Variants in PDE4D observed in about 807,000 individuals in gnomAD.
The protein encoded by PDE4D is 3',5'-cyclic-AMP phosphodiesterase 4D.
Under a neutral mutation model 87.4 loss-of-function variants are expected in PDE4D, and 24 were observed. The observed-to-expected ratio is 0.27, with a 90% CI of 0.20 to 0.39. PDE4D has a LOEUF of 0.39. Among genes scored for constraint, PDE4D ranks in the 10% least tolerant of loss-of-function variants. The pLI, the probability that PDE4D is intolerant of heterozygous loss-of-function variation, is 1.00. For synonymous variants in PDE4D, 384 were observed against 383.2 expected, an observed-to-expected ratio of 1.00 and a Z score of -0.02; for missense variants, 714 against 1,041.0, an observed-to-expected ratio of 0.69 and a Z score of 4.32.
intron 1 of PDE4D, among the ~76,000 whole-genome samples, chr5:59,330,805 T>A (rs529537196): frequency 1.3e-5 from 2 of 152,196 alleles, no homozygotes; most frequent in Non-Finnish European, 2.9e-5. Flanking sequence ...CATTGGCTGG[T>A]TGTCTCGCTG....
chr5:59,194,442 T>C (rs1745005851), intron 2 of PDE4D, among the ~76,000 whole-genome samples: 1 of 152,178 alleles, frequency 6.6e-6, no homozygotes, highest in Admixed American at 6.5e-5. Context: ...ATGAACAATC[T>C]GAAAACAACC....
chr5:59,886,546 G>A (rs113865587), intron 1 of PDE4D, among the ~76,000 whole-genome samples: 1 of 151,692 alleles, frequency 6.6e-6, no homozygotes, highest in Admixed American at 6.6e-5. Flanking sequence ...ATAAAGAAAA[G>A]AAAAATATTC....
At chr5:59,896,255 A>G (rs1751630485), upstream of PDE4D, among the ~76,000 whole-genome samples, 2 of 152,334 alleles carry the variant, frequency 1.3e-5, no homozygotes, top group South Asian at 4.1e-4. Context: ...ATGAATGTTT[A>G]ATAAAGGTAG....
chr5:60,337,351 CTATATATATATATATATA>C (rs748923956), intron 1 of PDE4D, among the ~76,000 whole-genome samples: 41 of 62,264 alleles, frequency 6.6e-4, no homozygotes, highest in South Asian at 4.3e-3. Flanking sequence ...AACAAACAAA[CTATATATATATATATATA>C]TATATATATA....
intron 1 of PDE4D, among the ~76,000 whole-genome samples, chr5:60,283,513 T>C (rs1752137254): frequency 1.3e-5 from 2 of 152,190 alleles, no homozygotes; most frequent in African/African-American, 4.8e-5. Flanking sequence ...GAAAAGTTTT[T>C]GGCATTAAAT....
chr5:59,245,101 T>C (rs952979027), intron 1 of PDE4D, among the ~76,000 whole-genome samples: 4 of 152,072 alleles, frequency 2.6e-5, no homozygotes, highest in African/African-American at 9.7e-5. Context: ...ATCTGCAACA[T>C]GCTTCTTGCT....
intron 1 of PDE4D, among the ~76,000 whole-genome samples, chr5:60,418,652 C>T (rs1742829836): frequency 6.6e-6 from 1 of 151,844 alleles, no homozygotes; most frequent in Non-Finnish European, 1.5e-5. Context: ...GATGTTTACA[C>T]AGAGACATGC....
intron 2 of PDE4D, among the ~76,000 whole-genome samples, chr5:60,122,804 TC>T (rs1778807666): frequency 6.6e-6 from 1 of 152,258 alleles, no homozygotes; most frequent in Non-Finnish European, 1.5e-5. Flanking sequence ...AATAGGTTTT[TC>T]TTTTCTATCA....
chr5:59,210,140 C>T (rs1368166870), intron 2 of PDE4D, among the ~76,000 whole-genome samples: 1 of 152,190 alleles, frequency 6.6e-6, no homozygotes, highest in Non-Finnish European at 1.5e-5. Flanking sequence ...AATTGATATG[C>T]TTTTGAAATG....
At chr5:60,300,776 T>C (rs896079240) in intron 1 of PDE4D, among the ~76,000 whole-genome samples, 17 of 151,954 alleles carry the variant, frequency 1.1e-4, no homozygotes. Flanking sequence ...TCTTTTTTTT[T>C]TTCTTTTTCT....
At chr5:60,193,408 C>T (rs1335395134) in intron 1 of PDE4D, among the ~76,000 whole-genome samples, 1 of 152,018 alleles carries the variant, frequency 6.6e-6, no homozygotes, top group African/African-American at 2.4e-5. Context: ...CAGTGGCTCA[C>T]GCCTGTAATC....
At position 60,185,547 on chromosome 5, in the gene PDE4D, A is replaced by C. The variant is rs779045194; in HGVS notation, c.42+10T>G. The stretch of plus-strand genomic sequence containing the variant: ...TGTTTAGAAAATAGATGAAAACAAA[A>C]GTTACTTACACTTTTGCTCCGAGAA... On this transcript the variant is annotated intron_variant, in intron 2 of 16. Coordinates refer to the PDE4D transcript ENST00000502484. 7.9e-6 allele frequency: 12 copies of C among 1,519,784 alleles called. No homozygotes were observed. In the Admixed American group the frequency reaches 2.0e-4, roughly 25 times the overall value. 94.1% of individuals were successfully genotyped at this position (1,519,784 alleles called of 1,614,324 possible).
chr5:59,181,477 C>T (rs6450510), intron 4 of PDE4D, among the ~76,000 whole-genome samples: 7,166 of 147,376 alleles, frequency 0.049, 552 homozygotes, highest in African/African-American at 0.16. Context: ...AAAGTTATTA[C>T]TTGTAACTGA....
At chr5:59,833,776 A>T (rs968178648) in intron 1 of PDE4D, among the ~76,000 whole-genome samples, 1 of 152,016 alleles carries the variant, frequency 6.6e-6, no homozygotes, top group South Asian at 2.1e-4. Context: ...CGCTTACAGG[A>T]TTATAAAAAC....
At chr5:59,364,058 T>C (rs980706987) in intron 1 of PDE4D, among the ~76,000 whole-genome samples, 6 of 152,206 alleles carry the variant, frequency 3.9e-5, no homozygotes, top group African/African-American at 1.4e-4. Context: ...ATCCAGATGT[T>C]TGAGTAACAG....
intron 1 of PDE4D, among the ~76,000 whole-genome samples, chr5:59,354,335 A>T (rs1206257961): frequency 6.6e-6 from 1 of 152,328 alleles, no homozygotes; most frequent in African/African-American, 2.4e-5. Context: ...TATATTTTTT[A>T]AAAAATAAGA....
At chr5:59,427,089 T>C (rs1001391529) in intron 1 of PDE4D, among the ~76,000 whole-genome samples, 1 of 146,964 alleles carries the variant, frequency 6.8e-6, no homozygotes, top group African/African-American at 2.5e-5. Context: ...AATACAGAAG[T>C]GAATTATTTC....
chr5:59,175,631 C>T (rs1783731752), intron 5 of PDE4D, among the ~76,000 whole-genome samples: 1 of 151,446 alleles, frequency 6.6e-6, no homozygotes, highest in African/African-American at 2.4e-5. Context: ...CAGGCACCTG[C>T]CACCACGCCT....
At chr5:59,711,448 C>A (rs2150509079) in intron 1 of PDE4D, among the ~76,000 whole-genome samples, 1 of 152,090 alleles carries the variant, frequency 6.6e-6, no homozygotes, top group African/African-American at 2.4e-5. Flanking sequence ...TGTAAATACT[C>A]CTCTGTTGCA....
Sources: allele counts gnomAD v4.1 joint callset (sites outside exome capture counted in the v4.1 genomes callset), GRCh38; gene constraint gnomAD v4.1.1; transcripts MANE v1.5; gene names NCBI Gene and HGNC (gene_info 2026-07-23, HGNC 2026-07-21).